Variants in MAPK3 observed in about 807,000 individuals in gnomAD.
The protein encoded by MAPK3 is mitogen-activated protein kinase 3.
MAPK3 carries 30 observed loss-of-function variants against 41.8 expected under a neutral mutation model. The observed-to-expected ratio is 0.72, with a 90% CI of 0.54 to 0.97. The LOEUF (loss-of-function observed/expected upper bound fraction) is 0.97. Ranked by LOEUF, MAPK3 falls within the 50% of genes least tolerant of loss-of-function variation. The pLI is 0.00. For missense variants in MAPK3, 413 were observed against 509.9 expected (o/e 0.81, Z 1.83); for synonymous variants, 222 against 213.4 (o/e 1.04, Z -0.35).
Position 30,116,619 on chromosome 16 carries a change from G to A in MAPK3, c.*32+17C>T, listed in dbSNP as rs374568508. 8.7e-6 allele frequency: 14 copies of A among 1,605,962 alleles called. No individual in the cohort carries two copies. The highest frequency in any genetic ancestry group is 3.3e-5 in the Admixed American group (2 of 59,740). ...TTAGTATCAGGGTGTCCATGTGTGG[G>A]CCATGGAGACACTCACCAGGCCCCA... On this transcript the variant is annotated intron_variant, in intron 8 of 8. Transcript: ENST00000263025.
intron 8 of MAPK3, among the ~76,000 whole-genome samples, chr16:30,114,956 G>GA (rs2072940443): frequency 6.6e-6 from 1 of 151,938 alleles, no homozygotes; most frequent in African/African-American, 2.4e-5. Context: ...GAACTGTCTC[G>GA]GCCGGGCACA....
intron 1 of MAPK3, chr16:30,122,349 C>A: frequency 2.7e-6 from 1 of 377,218 alleles, no homozygotes; most frequent in South Asian, 2.4e-5. Context: ...GGTGCAGATG[C>A]TGGGGACACA....
Position 30,119,156 on chromosome 16 carries a change from TA to T in MAPK3, c.354-619del, listed in dbSNP as rs35666305. ...GACTCTGTCTCAAAAATAAATAAAT[TA>T]AAAAAAAAAAAAAACCTACAAAAAG... On this transcript the variant is annotated intron_variant, in intron 2 of 8. Transcript: ENST00000263025. 1.0e-3 allele frequency among the ~76,000 whole-genome samples: 138 copies of T among 136,178 alleles called. 1 individual carries two copies. Among genetic ancestry groups the T allele is most frequent in the East Asian group, 2.3e-3 (11 of 4,804 alleles). The allele number at this position is 136,178 out of a possible 152,430, so 89.3% of individuals were successfully genotyped here. A position where few individuals can be genotyped will look rare whatever the true frequency, so the allele number is the denominator to read the frequency against.
Position 30,121,926 on chromosome 16 carries a change from C to A in MAPK3, c.251G>T (p.Arg84Leu), listed in dbSNP as rs757959447. The change falls in exon 2 of 9, where the codon CGC becomes CTC. Residue 84 changes from arginine (R) to leucine (L), a missense_variant. Transcript: ENST00000263025. ...SPFEHQTYCQ[R>L]TLREIQILLR... ...CAGGATCTGGATCTCCCGGAGCGTGCGCTGGCAGTAGGTCTGATGTTCGAA... is the reference window on the plus strand; with the variant it reads ...CAGGATCTGGATCTCCCGGAGCGTGAGCTGGCAGTAGGTCTGATGTTCGAA... 6.2e-7 allele frequency: 1 copy of A among 1,614,124 alleles called. No individual in the cohort carries two copies. The highest frequency in any genetic ancestry group is 8.5e-7 in the Non-Finnish European group (1 of 1,180,014).
intron 2 of MAPK3, among the ~76,000 whole-genome samples, chr16:30,120,392 G>A (rs2073004019): frequency 6.6e-6 from 1 of 152,058 alleles, no homozygotes; most frequent in African/African-American, 2.4e-5. Flanking sequence ...CTTGGGTGGA[G>A]GGCTGGGACT....
At chr16:30,122,246 C>T (rs1029812663) in intron 1 of MAPK3, 84 of 572,344 alleles carry the variant, frequency 1.5e-4, no homozygotes, top group Non-Finnish European at 2.4e-4. Flanking sequence ...CGCTCACTGA[C>T]TTCCCCTCTC....
intron 2 of MAPK3, among the ~76,000 whole-genome samples, 180 bp downstream of exon 2, chr16:30,121,644 T>C (rs2073016099): frequency 6.6e-6 from 1 of 152,180 alleles, no homozygotes; most frequent in African/African-American, 2.4e-5. Flanking sequence ...GCTGCAGGCC[T>C]GGGTTCATCA....
chr16:30,115,678 G>T (rs1029892495), intron 8 of MAPK3: 1 of 152,262 alleles, frequency 6.6e-6, no homozygotes, highest in Non-Finnish European at 1.5e-5. Flanking sequence ...TGTGGGGCTG[G>T]AGGATGCAAG....
At chr16:30,117,973 G>T in intron 4 of MAPK3, 74 bp downstream of exon 4, 1 of 1,372,244 alleles carries the variant, frequency 7.3e-7, no homozygotes, top group Non-Finnish European at 1.0e-6. Context: ...GGGGGTCAGT[G>T]TCTGGCTCAG....
rs765303927 is a variant in MAPK3 at position 30,116,675 on chromosome 16, G to T, written c.1133C>A (p.Ala378Asp). 1.9e-6 allele frequency: 3 copies of T among 1,613,360 alleles called. No individual in the cohort carries two copies. The highest frequency in any genetic ancestry group is 4.5e-5 in the East Asian group (2 of 44,866). ...TARFQPGVLE[A>D]P ...CAGAGATGTCTGTCTGGGCTAGGGG[G>T]CCTCCAGCACTCCGGGCTGGAAGCG... The change falls in exon 8 of 9, where the codon GCC (alanine) becomes GAC (aspartate). Residue 378 changes from alanine to aspartate, a missense_variant. Ala to Asp is a moderately radical substitution (Grantham distance 126). Coordinates refer to ENST00000263025, the MANE Select transcript of MAPK3 (RefSeq NM_002746.3).
In MAPK3 at chr16:30,118,430, G is replaced by A; in HGVS notation, c.462C>T (p.Leu154=). Residue 154 remains leucine (L), a synonymous_variant, in exon 3 of 9, where the codon CTC becomes CTT. Transcript: ENST00000263025. ...CYFLYQILRG[L]KYIHSANVLH... is the part of the protein sequence containing the mutation. ...GCACGTTGGCGGAGTGGATGTACTT[G>A]AGGCCCCGCAGGATCTGGTAGAGGA... 6.2e-7 allele frequency: 1 copy of A among 1,614,076 alleles called. No individual in the cohort carries two copies. Among genetic ancestry groups the A allele is most frequent in the Non-Finnish European group, 8.5e-7 (1 of 1,180,000 alleles).
chr16:30,117,443 G>A (rs1156657226), intron 5 of MAPK3, among the ~76,000 whole-genome samples, 158 bp from the exon 6 acceptor site: 1 of 152,156 alleles, frequency 6.6e-6, no homozygotes, highest in African/African-American at 2.4e-5. Context: ...AAGGGGGCTG[G>A]GTTCAGGCAG....
chr16:30,118,443 A>G lies in MAPK3; in HGVS notation c.449T>C (p.Ile150Thr). ...NDHICYFLYQILRGLKYIHSA... is the reference protein window; with the variant it reads ...NDHICYFLYQTLRGLKYIHSA... ...GTGGATGTACTTGAGGCCCCGCAGGATCTGGTAGAGGAAGTAGCAGATATG... is the reference window on the plus strand; with the variant it reads ...GTGGATGTACTTGAGGCCCCGCAGGGTCTGGTAGAGGAAGTAGCAGATATG... The change falls in exon 3 of 9, where the codon ATC becomes ACC. Residue 150 changes from isoleucine to threonine, a missense_variant. Around this residue, in one of 4 missense-constraint regions of MAPK3, gnomAD observed 140 missense variants for 206.0 expected, o/e 0.68. Transcript: ENST00000263025. The G allele has an allele frequency of 6.2e-7, 1 of 1,613,754 alleles. No individual in the cohort carries two copies. Among genetic ancestry groups the G allele is most frequent in the Non-Finnish European group, 8.5e-7 (1 of 1,179,936 alleles).
chr16:30,116,736 C>CAT lies in MAPK3; in HGVS notation c.1071_1072insAT (p.Glu358MetfsTer4). Reference sequence around the variant, plus strand: ...TGGAAGATGAGCTCCTTCAGCCGCTCCTTAGGTAGGTCATCCAGCTCCATG... The same window carrying CAT: ...TGGAAGATGAGCTCCTTCAGCCGCTCATCTTAGGTAGGTCATCCAGCTCCATG... On this transcript the variant is annotated frameshift_variant, in exon 8 of 9. Coordinates refer to ENST00000263025, the MANE Select transcript of MAPK3 (RefSeq NM_002746.3). LOFTEE classifies it high-confidence loss of function. 2 of 1,613,926 alleles carry CAT rather than the reference C, an allele frequency of 1.2e-6. No individual in the cohort carries two copies. The highest frequency in any genetic ancestry group is 1.7e-6 in the Non-Finnish European group (2 of 1,180,008).
Position 30,123,081 on chromosome 16 carries a change from C to G in MAPK3, c.129G>C (p.Thr43=), listed in dbSNP as rs2073034000. The change falls in exon 1 of 9, where the codon ACG becomes ACC. Residue 43 remains threonine (T), a synonymous_variant. Coordinates refer to ENST00000263025, the MANE Select transcript of MAPK3 (RefSeq NM_002746.3). ...GQPFDVGPRY[T]QLQYIGEGAY... Reference sequence around the variant, plus strand: ...CGCCCTCGCCGATGTACTGCAACTGCGTGTAGCGCGGGCCCACGTCGAACG... The same window carrying G: ...CGCCCTCGCCGATGTACTGCAACTGGGTGTAGCGCGGGCCCACGTCGAACG... The G allele has an allele frequency of 6.3e-7, 1 of 1,574,974 alleles. No individual in the cohort carries two copies. The highest frequency in any genetic ancestry group is 2.6e-5 in the East Asian group (1 of 38,684).
Position 30,123,141 on chromosome 16 carries a change from C to T in MAPK3, c.69G>A (p.Gly23=). 6.5e-7 allele frequency: 1 copy of T among 1,538,840 alleles called. No individual in the cohort carries two copies. Among genetic ancestry groups the T allele is most frequent in the Non-Finnish European group, 8.8e-7 (1 of 1,141,990 alleles). The part of the protein sequence containing the change: ...EPRRTEGVGP[G]VPGEVEMVKG... The stretch of plus-strand genomic sequence containing the variant: ...TCACCATCTCCACCTCCCCCGGGAC[C>T]CCCGGGCCGACCCCCTCGGTTCTAC... The change falls in exon 1 of 9, where the codon GGG becomes GGA. Residue 23 remains glycine, a synonymous_variant. Transcript: ENST00000263025.
At position 30,123,172 on chromosome 16, in the gene MAPK3, T is replaced by TGG; in HGVS notation, c.37_38insCC (p.Glu13AlafsTer20). ...GCCGACCCCCTCGGTTCTACGGGGC[T>TGG]CCCCGCCCCCGCCCCCCTGAGCCGC... On this transcript the variant is annotated frameshift_variant, in exon 1 of 9. Transcript: ENST00000263025. LOFTEE classifies it high-confidence loss of function. The TGG allele has an allele frequency of 3.0e-6, 4 of 1,322,442 alleles. No individual in the cohort carries two copies. The highest frequency in any genetic ancestry group is 4.0e-6 in the Non-Finnish European group (4 of 991,946). The allele number at this position is 1,322,442 out of a possible 1,614,324, so 81.9% of individuals were successfully genotyped here. A position where few individuals can be genotyped will look rare whatever the true frequency, so the allele number is the denominator to read the frequency against.
At chr16:30,121,769 C>T (rs2073017140) in intron 2 of MAPK3, 55 bp downstream of exon 2, 27 of 1,557,264 alleles carry the variant, frequency 1.7e-5, no homozygotes, top group Non-Finnish European at 2.2e-5. Flanking sequence ...CAACGGGTCC[C>T]CAGCCCAGCT....
In MAPK3 at chr16:30,123,106, G is replaced by A; in HGVS notation, c.104C>T (p.Pro35Leu). 6.4e-7 allele frequency: 1 copy of A among 1,569,780 alleles called. No individual in the cohort carries two copies. The highest frequency in any genetic ancestry group is 8.6e-7 in the Non-Finnish European group (1 of 1,159,340). Reference sequence around the variant, plus strand: ...CGTGTAGCGCGGGCCCACGTCGAACGGCTGCCCCTTCACCATCTCCACCTC... The same window carrying A: ...CGTGTAGCGCGGGCCCACGTCGAACAGCTGCCCCTTCACCATCTCCACCTC... ...PGEVEMVKGQ[P>L]FDVGPRYTQL... Residue 35 changes from proline (P) to leucine (L), a missense_variant, in exon 1 of 9, where the codon CCG (proline) becomes CTG (leucine). By Grantham distance (98) the Pro-to-Leu change is moderately conservative. Coordinates refer to ENST00000263025, the MANE Select transcript of MAPK3 (RefSeq NM_002746.3).
Sources: gnomAD v4.1 joint callset for allele counts (sites outside exome capture counted in the v4.1 genomes callset) on GRCh38, gnomAD v4.1.1 for gene constraint, gnomAD v4.1.1 regional missense constraint, MANE v1.5 for transcripts, NCBI Gene and HGNC (gene_info 2026-07-23, HGNC 2026-07-21) for gene names.